The following MRPS5 variants were observed in gnomAD, a reference collection of about 807,000 sequenced individuals.
MRPS5 encodes the protein mitochondrial ribosomal protein S5.
A neutral mutation model predicts 51.9 loss-of-function variants in MRPS5; 27 were observed. The ratio of observed to expected loss-of-function variants is 0.52; its 90% CI spans 0.38 to 0.72. The LOEUF is 0.72. Ranked by LOEUF, MRPS5 falls within the 30% of genes least tolerant of loss-of-function variation. MRPS5 has a pLI of 0.00. For synonymous variants in MRPS5, 196 were observed against 193.2 expected (o/e 1.01, Z -0.12); for missense variants, 570 against 545.7 (o/e 1.04, Z -0.44).
intron 7 of MRPS5, 156 bp from the exon 8 acceptor site, chr2:95,101,879 T>G (rs1675815156): frequency 1.7e-6 from 1 of 596,046 alleles, no homozygotes. Flanking sequence ...ATAGGCTGGG[T>G]GTAATGATTC....
chr2:95,112,323 C>T (rs1177300341), intron 3 of MRPS5, among the ~76,000 whole-genome samples: 2 of 152,098 alleles, frequency 1.3e-5, no homozygotes, highest in African/African-American at 4.8e-5. Flanking sequence ...CCTCAGCCTC[C>T]CAAAGCGCTA....
At chr2:95,090,176 CAAAAAAAA>C (rs35901146) in intron 11 of MRPS5, among the ~76,000 whole-genome samples, 1 of 43,542 alleles carries the variant, frequency 2.3e-5, no homozygotes, top group Non-Finnish European at 4.0e-5. Context: ...GACTCCGTCT[CAAAAAAAA>C]AAAAAAAAAA....
At chr2:95,110,772 G>A (rs542515027) in intron 3 of MRPS5, among the ~76,000 whole-genome samples, 3 of 152,100 alleles carry the variant, frequency 2.0e-5, no homozygotes, top group African/African-American at 7.2e-5. Flanking sequence ...TCCAGCCTTG[G>A]GGACAGAGTG....
chr2:95,120,174 T>C (rs535778597), intron 1 of MRPS5, among the ~76,000 whole-genome samples: 5 of 152,210 alleles, frequency 3.3e-5, no homozygotes, highest in Non-Finnish European at 7.4e-5. Flanking sequence ...TCTAGCAAAA[T>C]AGGCCTAAGA....
At chr2:95,117,056 G>A (rs1312454792) in intron 2 of MRPS5, among the ~76,000 whole-genome samples, 3 of 151,822 alleles carry the variant, frequency 2.0e-5, no homozygotes, top group African/African-American at 4.8e-5. Flanking sequence ...CAGGAGAATC[G>A]CTTGAACCCA....
At chr2:95,120,345 G>T (rs1676405477) in intron 1 of MRPS5, among the ~76,000 whole-genome samples, 1 of 152,164 alleles carries the variant, frequency 6.6e-6, no homozygotes, top group South Asian at 2.1e-4. Flanking sequence ...AATCACAAAA[G>T]ACTACATATT....
At chr2:95,111,821 T>C in intron 3 of MRPS5, among the ~76,000 whole-genome samples, 1 of 152,194 alleles carries the variant, frequency 6.6e-6, no homozygotes, top group East Asian at 1.9e-4. Flanking sequence ...AATTTAATAT[T>C]ACATTGTGAG....
At chr2:95,101,823 T>C (rs567512686) in intron 7 of MRPS5, 100 bp from the exon 8 acceptor site, 11 of 738,216 alleles carry the variant, frequency 1.5e-5, no homozygotes, top group Non-Finnish European at 2.5e-5. Context: ...TTCACAGCAC[T>C]TCATCTTTCC....
At chr2:95,105,887 C>T (rs1474705372) in intron 6 of MRPS5, among the ~76,000 whole-genome samples, 1 of 152,194 alleles carries the variant, frequency 6.6e-6, no homozygotes, top group Non-Finnish European at 1.5e-5. Context: ...ACTGAGCATT[C>T]AGTGCCAGCT....
At chr2:95,112,908 G>A (rs1417157110) in intron 3 of MRPS5, among the ~76,000 whole-genome samples, 8 of 152,158 alleles carry the variant, frequency 5.3e-5, no homozygotes, top group Admixed American at 5.2e-4. Context: ...GGGAGGCTGA[G>A]GCGGGAGAAT....
In MRPS5 at chr2:95,110,058, T is replaced by C; in HGVS notation, c.278-17A>G. On this transcript the variant is annotated splice_polypyrimidine_tract_variant and intron_variant, in intron 3 of 11. Coordinates refer to ENST00000272418, the MANE Select transcript of MRPS5 (RefSeq NM_031902.5). Reference sequence around the variant, plus strand: ...CTGCAGTCACTGTAACGAAACAGGGTTTCTTTTCTTAATTCTGTAGTTTTC... The same window carrying C: ...CTGCAGTCACTGTAACGAAACAGGGCTTCTTTTCTTAATTCTGTAGTTTTC... 1.2e-6 allele frequency: 2 copies of C among 1,600,882 alleles called. No homozygotes were observed. Among genetic ancestry groups the C allele is most frequent in the East Asian group, 4.5e-5 (2 of 44,790 alleles).
At chr2:95,109,834 T>C in intron 4 of MRPS5, 82 bp downstream of exon 4, 7 of 1,471,248 alleles carry the variant, frequency 4.8e-6, no homozygotes, top group Non-Finnish European at 6.4e-6. Context: ...AATGTTTTGA[T>C]GCTTCTAGTT....
rs149308126 is a variant in MRPS5 at position 95,114,907 on chromosome 2, G to A, written c.277+159C>T. Among the ~76,000 whole-genome samples the A allele has an allele frequency of 1.1e-4, 16 of 152,282 alleles. No homozygotes were observed. In the East Asian group the frequency reaches 3.1e-3, roughly 29 times the overall value. The stretch of plus-strand genomic sequence containing the variant: ...CCAGAATACAACTGGTAGCATGTGA[G>A]ATAATTCTAGGATGTACATCAAGGA... On this transcript the variant is annotated intron_variant, in intron 3 of 11. Coordinates refer to ENST00000272418, the MANE Select transcript of MRPS5 (RefSeq NM_031902.5).
chr2:95,110,959 T>C (rs1349172838), intron 3 of MRPS5, among the ~76,000 whole-genome samples: 4 of 152,080 alleles, frequency 2.6e-5, no homozygotes, highest in Non-Finnish European at 5.9e-5. Context: ...ATGCTTAGAG[T>C]TTAAAACTTC....
intron 11 of MRPS5, among the ~76,000 whole-genome samples, 197 bp downstream of exon 11, chr2:95,090,176 CAAAAAAAAAAAAA>C (rs35901146): frequency 9.2e-5 from 4 of 43,542 alleles, no homozygotes; most frequent in Non-Finnish European, 1.6e-4. Context: ...GACTCCGTCT[CAAAAAAAAAAAAA>C]AAAAAAAAAA....
intron 11 of MRPS5, among the ~76,000 whole-genome samples, chr2:95,087,785 C>A (rs1394357584): frequency 1.3e-5 from 2 of 152,112 alleles, no homozygotes; most frequent in Non-Finnish European, 2.9e-5. Context: ...ATCTGCCCAC[C>A]CCAAACTTGG....
In MRPS5 at chr2:95,100,503, G is replaced by C; in HGVS notation, c.902C>G (p.Thr301Arg). The C allele has an allele frequency of 6.2e-7, 1 of 1,607,832 alleles. No homozygotes were observed. The highest frequency in any genetic ancestry group is 1.1e-5 in the South Asian group (1 of 90,824). ...GGGTTGTTTCTTCATCTTGATATGC[G>C]TCCTTTTAAATCTTAATGAAATATC... The part of the protein sequence containing the change: ...FHDISLRFKR[T>R]HIKMKKQPKG... Residue 301 changes from threonine (T) to arginine (R), a missense_variant, in exon 10 of 12, where the codon ACG (threonine) becomes AGG (arginine). Physicochemically the swap from Thr to Arg is moderately conservative, Grantham distance 71. Coordinates refer to ENST00000272418, the MANE Select transcript of MRPS5 (RefSeq NM_031902.5).
intron 5 of MRPS5, among the ~76,000 whole-genome samples, chr2:95,107,210 T>C (rs144021171): frequency 7.3e-4 from 111 of 152,296 alleles, no homozygotes; most frequent in African/African-American, 2.5e-3. Context: ...TCTCACTACA[T>C]TGGATAATTT....
At chr2:95,090,796 T>A (rs1289601333) in intron 10 of MRPS5, 3 of 361,058 alleles carry the variant, frequency 8.3e-6, no homozygotes, top group African/African-American at 6.1e-5. Context: ...TTGAGATTAA[T>A]AAACATGCAT....
Sources: allele counts gnomAD v4.1 joint callset (sites outside exome capture counted in the v4.1 genomes callset), GRCh38; gene constraint gnomAD v4.1.1; transcripts MANE v1.5; gene names NCBI Gene and HGNC (gene_info 2026-07-23, HGNC 2026-07-21).